CDH26: variants seen among roughly 807,000 people sequenced by gnomAD.
The protein encoded by CDH26 is cadherin 26, also known as cadherin-like protein 26.
CDH26 carries 83 observed loss-of-function variants against 90.3 expected under a neutral mutation model. The observed-to-expected ratio is 0.92, with a 90% confidence interval of 0.77 to 1.10. The LOEUF (loss-of-function observed/expected upper bound fraction) is 1.10, where lower values mean the gene tolerates loss of function less well. Among genes scored for constraint, CDH26 ranks in the 50% least tolerant of loss-of-function variants. The pLI, the probability that CDH26 is intolerant of heterozygous loss-of-function variation, is 0.00. For missense variants in CDH26, 1,013 were observed against 1,037.6 expected (o/e 0.98, Z 0.33); for synonymous variants, 397 against 396.3 (o/e 1.00, Z -0.02).
At position 60,033,639 on chromosome 20, in the gene CDH26, CG is replaced by C; in HGVS notation, c.1299del (p.Ala434GlnfsTer42). On this transcript the variant is annotated frameshift_variant, in exon 9 of 9. Coordinates refer to the CDH26 transcript ENST00000370991. LOFTEE classifies it high-confidence loss of function. ...TTCCCAGGAGACTACAGAGGAGAATCGGCAGGTGGTCACAATTGCAGGGCTG... is the reference window on the plus strand; with the variant it reads ...TTCCCAGGAGACTACAGAGGAGAATCGCAGGTGGTCACAATTGCAGGGCTG... 6 of 1,304,636 alleles carry C rather than the reference CG, an allele frequency of 4.6e-6. No homozygotes were observed. The highest frequency in any genetic ancestry group is 6.1e-6 in the Non-Finnish European group (6 of 989,000). The allele number at this position is 1,304,636 out of a possible 1,614,324, so 80.8% of individuals were successfully genotyped here.
intron 14 of CDH26, 143 bp from the exon 15 acceptor site, chr20:60,001,200 C>T (rs1224367275): frequency 2.5e-5 from 23 of 918,496 alleles, no homozygotes; most frequent in Middle Eastern, 2.2e-4. Context: ...CCTCCCACCG[C>T]GCCCTCCCTC....
At chr20:60,023,306 A>T (rs915111196) in intron 7 of CDH26, among the ~76,000 whole-genome samples, 5 of 152,216 alleles carry the variant, frequency 3.3e-5, no homozygotes, top group African/African-American at 1.2e-4. Flanking sequence ...TCTGTCATTC[A>T]TGGCCAGGTC....
At chr20:59,999,749 C>G in intron 14 of CDH26, 86 bp downstream of exon 14, 1 of 1,216,294 alleles carries the variant, frequency 8.2e-7, no homozygotes, top group East Asian at 2.4e-5. Flanking sequence ...GGATGCTCCT[C>G]CCAGTGCCAC....
At chr20:59,978,249 G>T (rs1215846028) in intron 4 of CDH26, among the ~76,000 whole-genome samples, 1 of 152,166 alleles carries the variant, frequency 6.6e-6, no homozygotes, top group South Asian at 2.1e-4. Flanking sequence ...CATTTGGAAG[G>T]CTGATAGTTG....
At chr20:60,029,303 G>A (rs7351966) in intron 7 of CDH26, among the ~76,000 whole-genome samples, 5 of 151,920 alleles carry the variant, frequency 3.3e-5, no homozygotes, top group Admixed American at 6.6e-5. Flanking sequence ...AGTCAACAAC[G>A]TAGCATCTAT....
At chr20:59,991,395 T>C (rs2061526188) in intron 9 of CDH26, among the ~76,000 whole-genome samples, 2 of 152,134 alleles carry the variant, frequency 1.3e-5, no homozygotes, top group East Asian at 3.9e-4. Flanking sequence ...TGATCTGGGT[T>C]GGGGGCAGCT....
downstream of CDH26, among the ~76,000 whole-genome samples, chr20:60,018,384 A>T (rs2061923073): frequency 2.0e-5 from 3 of 151,862 alleles, no homozygotes; most frequent in Admixed American, 6.6e-5. Context: ...ACAGCATTTG[A>T]CTTTAAAGTC....
At chr20:59,966,369 C>A (rs1479635285) in intron 1 of CDH26, among the ~76,000 whole-genome samples, 1 of 152,014 alleles carries the variant, frequency 6.6e-6, no homozygotes, top group South Asian at 2.1e-4. Flanking sequence ...CATCCACTCA[C>A]GAAGAGTGTT....
intron 4 of CDH26, among the ~76,000 whole-genome samples, chr20:59,973,260 G>A (rs369098996): frequency 7.2e-5 from 11 of 152,184 alleles, no homozygotes; most frequent in Admixed American, 5.2e-4. Context: ...GCTGTTCCTC[G>A]GGCTTCCACA....
At chr20:59,983,171 G>C in intron 5 of CDH26, 101 bp downstream of exon 5, 1 of 1,363,888 alleles carries the variant, frequency 7.3e-7, no homozygotes, top group Admixed American at 2.2e-5. Flanking sequence ...TTCAGGGAGA[G>C]TTTTTACTGT....
intron 1 of CDH26, among the ~76,000 whole-genome samples, chr20:59,961,927 A>AT (rs1258366111): frequency 6.6e-6 from 1 of 152,142 alleles, no homozygotes; most frequent in Non-Finnish European, 1.5e-5. Flanking sequence ...GCCACTTATG[A>AT]TTTTTTGTTG....
rs530340050 is a variant in CDH26 at position 59,963,162 on chromosome 20, T to G, written c.69+4367T>G. Among the ~76,000 whole-genome samples, 5 of 152,228 alleles carry G rather than the reference T, an allele frequency of 3.3e-5. No individual in the cohort carries two copies. In the South Asian group the frequency reaches 1.0e-3, roughly 32 times the overall value. ...CTTATACATGTACGTATGTGGGGGT[T>G]GTGCATGTGTGTGCACAGATGAGGA... On this transcript the variant is annotated intron_variant, in intron 1 of 17. Transcript: ENST00000348616.
chr20:59,972,383 G>A lies in CDH26; in HGVS notation c.393+260G>A, dbSNP rs963859755. Among the ~76,000 whole-genome samples, 10 of 152,230 alleles carry A rather than the reference G, an allele frequency of 6.6e-5. No homozygotes were observed. In the South Asian group the frequency reaches 8.3e-4, roughly 13 times the overall value. ...TAATGACCAGTGTCCTAGCATGATC[G>A]GGATATCAGAAAGCATTTGGGTATA... On this transcript the variant is annotated intron_variant, in intron 4 of 17. Coordinates refer to ENST00000348616, the MANE Select transcript of CDH26 (RefSeq NM_177980.4).
chr20:59,993,415 C>T (rs907390052), intron 10 of CDH26, among the ~76,000 whole-genome samples: 2 of 152,152 alleles, frequency 1.3e-5, no homozygotes, highest in Non-Finnish European at 2.9e-5. Context: ...GCCCTTGGCT[C>T]CCTCCTCCCC....
At chr20:60,034,999 G>A (rs1221915597), downstream of CDH26, among the ~76,000 whole-genome samples, 3 of 152,318 alleles carry the variant, frequency 2.0e-5, no homozygotes, top group East Asian at 5.8e-4. Flanking sequence ...ATGGTTCATA[G>A]TATCTTCTAA....
At chr20:59,974,254 A>G (rs544571262) in intron 4 of CDH26, among the ~76,000 whole-genome samples, 2 of 151,926 alleles carry the variant, frequency 1.3e-5, no homozygotes, top group South Asian at 4.2e-4. Flanking sequence ...TTTTTCTTGT[A>G]ATTTTAAGTT....
intron 13 of CDH26, among the ~76,000 whole-genome samples, chr20:59,999,013 C>T (rs890552637): frequency 1.1e-4 from 16 of 152,210 alleles, no homozygotes; most frequent in Non-Finnish European, 1.3e-4. Context: ...AAACTCCATG[C>T]AAGATATCGT....
downstream of CDH26, among the ~76,000 whole-genome samples, chr20:60,035,369 GT>G (rs1381078777): frequency 3.3e-5 from 5 of 152,154 alleles, no homozygotes; most frequent in African/African-American, 1.2e-4. Flanking sequence ...TTGACAAATT[GT>G]TTTCCAACAT....
intron 1 of CDH26, among the ~76,000 whole-genome samples, chr20:59,967,790 TTCCC>T (rs753223638): frequency 0.027 from 3,348 of 125,632 alleles, 84 homozygotes; most frequent in Non-Finnish European, 0.035. Context: ...CCTTCCTTCC[TTCCC>T]TCCCTCCCTC....
Sources: gnomAD v4.1 joint callset for allele counts (sites outside exome capture counted in the v4.1 genomes callset) on GRCh38, gnomAD v4.1.1 for gene constraint, MANE v1.5 for transcripts, NCBI Gene and HGNC (gene_info 2026-07-23, HGNC 2026-07-21) for gene names.